SLC7A1: variants seen among roughly 807,000 people sequenced by gnomAD.
SLC7A1 encodes the protein high affinity cationic amino acid transporter 1.
A neutral mutation model predicts 53.9 loss-of-function variants in SLC7A1; 10 were observed. That is an observed-to-expected ratio of 0.19 (90% CI 0.11 to 0.31). SLC7A1 has a LOEUF of 0.31. Among genes scored for constraint, SLC7A1 ranks in the 10% least tolerant of loss-of-function variants. The pLI is 1.00. For synonymous variants in SLC7A1, 342 were observed against 338.7 expected (o/e 1.01, Z -0.11); for missense variants, 525 against 827.2 (o/e 0.63, Z 4.48).
At chr13:29,590,784 G>A (rs887068914) in intron 1 of SLC7A1, among the ~76,000 whole-genome samples, 1 of 152,134 alleles carries the variant, frequency 6.6e-6, no homozygotes, top group African/African-American at 2.4e-5. Context: ...TAAAATGAGA[G>A]AGCGAAATTA....
chr13:29,542,973 G>A (rs1869734135), intron 2 of SLC7A1, among the ~76,000 whole-genome samples: 1 of 152,184 alleles, frequency 6.6e-6, no homozygotes, highest in African/African-American at 2.4e-5. Flanking sequence ...CTGACTCCAG[G>A]CAGCTAGTGA....
At chr13:29,534,249 T>C (rs777367006) in intron 3 of SLC7A1, among the ~76,000 whole-genome samples, 9 of 152,190 alleles carry the variant, frequency 5.9e-5, no homozygotes, top group Non-Finnish European at 1.0e-4. Flanking sequence ...GAGAACACAT[T>C]TTTATAATGC....
intron 2 of SLC7A1, among the ~76,000 whole-genome samples, chr13:29,540,179 T>C (rs1358931966): frequency 6.6e-6 from 1 of 152,212 alleles, no homozygotes; most frequent in Admixed American, 6.5e-5. Context: ...AGAGACTTCC[T>C]GCTGTTGGGG....
chr13:29,546,162 C>G (rs571606940), intron 2 of SLC7A1, among the ~76,000 whole-genome samples: 2 of 152,274 alleles, frequency 1.3e-5, no homozygotes, highest in South Asian at 2.1e-4. Context: ...TCCACTGCCT[C>G]GCAAGTGCAG....
chr13:29,535,921 G>A lies in SLC7A1; in HGVS notation c.268C>T (p.Arg90Trp). 1 of 1,614,160 alleles carries A rather than the reference G, an allele frequency of 6.2e-7. No individual in the cohort carries two copies. Among genetic ancestry groups the A allele is most frequent in the Non-Finnish European group, 8.5e-7 (1 of 1,180,044 alleles). The change falls in exon 3 of 13, where the codon CGG (arginine) becomes TGG (tryptophan). Residue 90 changes from arginine (R) to tryptophan (W), a missense_variant. Coordinates refer to ENST00000380752, the MANE Select transcript of SLC7A1 (RefSeq NM_003045.5). The part of the protein sequence containing the change: ...AGLCYGEFGA[R>W]VPKTGSAYLY... ...TAAGCTGAGCCCGTCTTGGGGACCC[G>A]AGCACCAAACTCGCCATAGCACAGG...
At chr13:29,537,458 T>G (rs1869474070) in intron 2 of SLC7A1, among the ~76,000 whole-genome samples, 1 of 152,114 alleles carries the variant, frequency 6.6e-6, no homozygotes. Flanking sequence ...TAAGGAGATG[T>G]GAGGACTAAA....
intron 1 of SLC7A1, among the ~76,000 whole-genome samples, chr13:29,578,284 G>A (rs1482503317): frequency 6.6e-6 from 1 of 151,982 alleles, no homozygotes; most frequent in Non-Finnish European, 1.5e-5. Flanking sequence ...CTGCACAACT[G>A]AAGTTTTTTT....
Position 29,511,748 on chromosome 13 carries a change from G to C in SLC7A1, c.*2732C>G, listed in dbSNP as rs1188033588. 2 of 152,252 alleles carry C rather than the reference G, an allele frequency of 1.3e-5. No individual in the cohort carries two copies. Among genetic ancestry groups the C allele is most frequent in the Non-Finnish European group, 2.9e-5 (2 of 68,056 alleles). The allele number at this position is 152,252 out of a possible 1,614,324, so 9.4% of individuals were successfully genotyped here. A position where few individuals can be genotyped will look rare whatever the true frequency, so the allele number is the denominator to read the frequency against. On this transcript the variant is annotated 3_prime_UTR_variant, in exon 13 of 13. Coordinates refer to ENST00000380752, the MANE Select transcript of SLC7A1 (RefSeq NM_003045.5). ...GGAGGTCATGAACACATGCAGGGCA[G>C]TCACAGGGGTTGTGGGAGACAGGAA...
At position 29,517,284 on chromosome 13, in the gene SLC7A1, C is replaced by A. The variant is rs781011122; in HGVS notation, c.1537G>T (p.Val513Leu). The change falls in exon 11 of 13, where the codon GTG becomes TTG. Residue 513 changes from valine to leucine, a missense_variant. Transcript: ENST00000380752. ...IAVLIITFCI[V>L]TVLGREALTK... ...AGAGCCTCCCTTCCAAGCACGGTCA[C>A]AATGCAGAAGGTGATGATGAGAACA... The A allele has an allele frequency of 3.1e-6, 5 of 1,613,004 alleles. No individual in the cohort carries two copies. The South Asian group carries it at 4.4e-5, about 14-fold the overall frequency.
chr13:29,547,162 TAA>T (rs201503052), intron 2 of SLC7A1, among the ~76,000 whole-genome samples: 1,798 of 152,274 alleles, frequency 0.012, 29 homozygotes, highest in African/African-American at 0.04. Flanking sequence ...CCTACAAATA[TAA>T]AAGAGTCATG....
intron 5 of SLC7A1, among the ~76,000 whole-genome samples, chr13:29,528,253 C>G (rs558365117): frequency 1.2e-3 from 177 of 152,346 alleles, no homozygotes; most frequent in African/African-American, 4.1e-3. Context: ...AGACACCATC[C>G]AACAAAACCT....
In SLC7A1 at chr13:29,522,428, G is replaced by T. The variant is rs1566254170; in HGVS notation, c.1078C>A (p.Arg360=). ...SLLGSMFPMP[R]VIYAMAEDGL... is the part of the protein sequence containing the mutation. ...TCCTCAGCCATGGCATAGATAACCC[G>T]AGGCATGGGAAACATGGAACCTAGA... The change falls in exon 8 of 13, where the codon CGG becomes AGG. Residue 360 remains arginine, a synonymous_variant. Transcript: ENST00000380752. 1.2e-6 allele frequency: 2 copies of T among 1,614,162 alleles called. No homozygotes were observed. Among genetic ancestry groups the T allele is most frequent in the Non-Finnish European group, 1.7e-6 (2 of 1,180,008 alleles).
In SLC7A1 at chr13:29,523,454, G is replaced by C; in HGVS notation, c.861C>G (p.Pro287=). Reference sequence around the variant, plus strand: ...TCAAGAGGGACGCCACGATCCCCACGGGGATGGCCTTCTGTGGGTTCTTCA... The same window carrying C: ...TCAAGAGGGACGCCACGATCCCCACCGGGATGGCCTTCTGTGGGTTCTTCA... ...EEVKNPQKAI[P]VGIVASLLIC... Residue 287 remains proline, a synonymous_variant, in exon 7 of 13, where the codon CCC becomes CCG. Transcript: ENST00000380752. The C allele has an allele frequency of 6.2e-7, 1 of 1,613,930 alleles. No homozygotes were observed. Among genetic ancestry groups the C allele is most frequent in the Non-Finnish European group, 8.5e-7 (1 of 1,179,984 alleles).
At chr13:29,528,687 C>T (rs1356681654) in intron 5 of SLC7A1, among the ~76,000 whole-genome samples, 1 of 152,222 alleles carries the variant, frequency 6.6e-6, no homozygotes, top group Admixed American at 6.5e-5. Context: ...AAGGAGGCTC[C>T]AGTCCTGCAG....
At chr13:29,526,259 G>C (rs142642900) in intron 5 of SLC7A1, among the ~76,000 whole-genome samples, 1 of 152,166 alleles carries the variant, frequency 6.6e-6, no homozygotes, top group African/African-American at 2.4e-5. Flanking sequence ...GAGGCCATAA[G>C]TTAGGGACCA....
At chr13:29,529,502 G>A (rs1424178419) in intron 5 of SLC7A1, among the ~76,000 whole-genome samples, 1 of 152,110 alleles carries the variant, frequency 6.6e-6, no homozygotes, top group Non-Finnish European at 1.5e-5. Context: ...TCTCCTCTAC[G>A]CTCTCTTTTC....
intron 1 of SLC7A1, among the ~76,000 whole-genome samples, chr13:29,582,378 A>C (rs1005972641): frequency 4.6e-5 from 7 of 152,242 alleles, no homozygotes; most frequent in African/African-American, 1.7e-4. Flanking sequence ...AAATAAGTGT[A>C]CAGGCTATGA....
At chr13:29,561,349 G>A (rs1870745970) in intron 1 of SLC7A1, among the ~76,000 whole-genome samples, 1 of 152,136 alleles carries the variant, frequency 6.6e-6, no homozygotes, top group Admixed American at 6.5e-5. Flanking sequence ...AGCTACAAGG[G>A]ACCACAGTTC....
rs777506692 is a variant in SLC7A1, at chr13:29,535,877, G to T, written c.312C>A (p.Thr104=). 9 of 1,614,038 alleles carry T rather than the reference G, an allele frequency of 5.6e-6. No homozygotes were observed. The highest frequency in any genetic ancestry group is 5.3e-5 in the African/African-American group (4 of 74,928). Residue 104 remains threonine, a synonymous_variant, in exon 3 of 13, where the codon ACC becomes ACA. Transcript: ENST00000380752. ...TGATGAAGGCCCAGAGCTCTCCAAC[G>T]GTGACATAGCTGTAGAGGTAAGCTG... ...TGSAYLYSYV[T]VGELWAFITG...
Sources: allele counts gnomAD v4.1 joint callset (sites outside exome capture counted in the v4.1 genomes callset), GRCh38; gene constraint gnomAD v4.1.1; transcripts MANE v1.5; gene names NCBI Gene and HGNC (gene_info 2026-07-23, HGNC 2026-07-21).